Variants in MAPK8 observed in about 807,000 individuals in gnomAD.
The protein encoded by MAPK8 is mitogen-activated protein kinase 8, also known as JUN N-terminal kinase.
MAPK8 carries 13 observed loss-of-function variants against 52.9 expected under a neutral mutation model. The observed-to-expected ratio is 0.25, with a 90% CI of 0.16 to 0.39. The LOEUF (loss-of-function observed/expected upper bound fraction) is 0.39, where lower values mean the gene tolerates loss of function less well. Among genes scored for constraint, MAPK8 ranks in the 10% least tolerant of loss-of-function variants. MAPK8 has a pLI of 1.00. For synonymous variants in MAPK8, 191 were observed against 169.8 expected (o/e 1.12, Z -0.97); for missense variants, 300 against 519.2 (o/e 0.58, Z 4.10).
intron 6 of MAPK8, among the ~76,000 whole-genome samples, chr10:48,422,005 TC>T (rs1197238327): frequency 1.1e-3 from 116 of 107,988 alleles, no homozygotes; most frequent in African/African-American, 3.5e-3. Context: ...ATTTTATTTA[TC>T]TTATTTATTT....
chr10:48,349,618 G>T (rs1347702014), intron 1 of MAPK8, among the ~76,000 whole-genome samples: 1 of 152,208 alleles, frequency 6.6e-6, no homozygotes, highest in Non-Finnish European at 1.5e-5. Context: ...CACAGCTAAA[G>T]CAGTGTTTAG....
intron 1 of MAPK8, among the ~76,000 whole-genome samples, chr10:48,389,988 G>A (rs2041533781): frequency 6.6e-6 from 1 of 152,158 alleles, no homozygotes; most frequent in Non-Finnish European, 1.5e-5. Context: ...GCAAGCTGAA[G>A]ACCCTGGATA....
chr10:48,422,869 G>A (rs1445571500), intron 6 of MAPK8, among the ~76,000 whole-genome samples: 1 of 152,054 alleles, frequency 6.6e-6, no homozygotes, highest in Non-Finnish European at 1.5e-5. Flanking sequence ...CAGTGAACTG[G>A]CAGCCTTTTA....
At chr10:48,387,870 G>A (rs887673031) in intron 1 of MAPK8, among the ~76,000 whole-genome samples, 50 of 151,512 alleles carry the variant, frequency 3.3e-4, no homozygotes, top group African/African-American at 1.2e-3. Flanking sequence ...GGATTATTTG[G>A]AAGAGTGGAA....
chr10:48,379,938 TAAA>T (rs373050540), intron 1 of MAPK8, among the ~76,000 whole-genome samples: 1 of 115,914 alleles, frequency 8.6e-6, no homozygotes, highest in Non-Finnish European at 1.7e-5. Flanking sequence ...ACAAAGCTCT[TAAA>T]AAAAAAAAAA....
intron 1 of MAPK8, among the ~76,000 whole-genome samples, chr10:48,341,871 T>C (rs952979357): frequency 6.6e-6 from 1 of 152,172 alleles, no homozygotes; most frequent in Admixed American, 6.5e-5. Context: ...AGGAGCTCAA[T>C]AGTAAGGAGA....
At chr10:48,428,712 C>A (rs1295322017) in intron 10 of MAPK8, among the ~76,000 whole-genome samples, 2 of 152,300 alleles carry the variant, frequency 1.3e-5, no homozygotes, top group East Asian at 3.9e-4. Context: ...AGATATAGCT[C>A]TGTACTGAGT....
intron 1 of MAPK8, among the ~76,000 whole-genome samples, chr10:48,365,255 G>T (rs918224427): frequency 6.6e-6 from 1 of 152,120 alleles, no homozygotes; most frequent in Non-Finnish European, 1.5e-5. Flanking sequence ...TACAAAAGGG[G>T]TTTGTTTAAA....
intron 1 of MAPK8, among the ~76,000 whole-genome samples, chr10:48,363,798 A>T (rs953724365): frequency 1.3e-5 from 2 of 152,148 alleles, no homozygotes; most frequent in African/African-American, 4.8e-5. Context: ...CTTTTTAAAA[A>T]CTGGATGAGC....
chr10:48,420,506 C>T (rs866232207), intron 6 of MAPK8, among the ~76,000 whole-genome samples, 186 bp downstream of exon 6: 3 of 152,014 alleles, frequency 2.0e-5, no homozygotes, highest in Non-Finnish European at 4.4e-5. Flanking sequence ...ACTTGGGGCC[C>T]TTATTTGTTT....
chr10:48,394,721 G>T (rs1234577064), intron 1 of MAPK8, among the ~76,000 whole-genome samples: 1 of 151,756 alleles, frequency 6.6e-6, no homozygotes, highest in Non-Finnish European at 1.5e-5. Flanking sequence ...GGAAATTATA[G>T]TTAGGGCAGT....
At chr10:48,390,717 T>C (rs1055728733) in intron 1 of MAPK8, among the ~76,000 whole-genome samples, 1 of 152,170 alleles carries the variant, frequency 6.6e-6, no homozygotes, top group African/African-American at 2.4e-5. Context: ...CCTTGAGTCA[T>C]AAAAACCTAA....
chr10:48,371,584 A>G (rs185040290), intron 1 of MAPK8, among the ~76,000 whole-genome samples: 5 of 152,238 alleles, frequency 3.3e-5, no homozygotes, highest in Admixed American at 3.3e-4. Flanking sequence ...CATACAAGAC[A>G]GAATACTTCT....
At chr10:48,330,405 C>G (rs1366037096) in intron 1 of MAPK8, among the ~76,000 whole-genome samples, 1 of 152,110 alleles carries the variant, frequency 6.6e-6, no homozygotes, top group South Asian at 2.1e-4. Flanking sequence ...TGTCTGTTCT[C>G]AAGAGTTTTT....
chr10:48,374,053 C>T (rs920034513), intron 1 of MAPK8, among the ~76,000 whole-genome samples: 3 of 152,126 alleles, frequency 2.0e-5, no homozygotes, highest in African/African-American at 7.2e-5. Flanking sequence ...TCTCTCAGAC[C>T]ACAGTGCAGT....
intron 1 of MAPK8, among the ~76,000 whole-genome samples, chr10:48,317,787 G>A (rs1055567120): frequency 6.6e-6 from 1 of 152,152 alleles, no homozygotes; most frequent in Non-Finnish European, 1.5e-5. Context: ...TCTTCTCTGT[G>A]GTTTCTGTTT....
At position 48,334,074 on chromosome 10, in the gene MAPK8, C is replaced by T. The variant is rs559254050; in HGVS notation, c.-50+27253C>T. ...CTCTGCTCCTCTTTGCTGGGGCCTG[C>T]ACCTTTCCTGGCTGCTGACTCATAG... is the stretch of plus-strand genomic sequence containing the variant. On this transcript the variant is annotated intron_variant, in intron 1 of 11. Transcript: ENST00000374189. 3.9e-5 allele frequency among the ~76,000 whole-genome samples: 6 copies of T among 152,312 alleles called. No homozygotes were observed. The South Asian group carries it at 1.2e-3, about 32-fold the overall frequency.
chr10:48,355,936 A>G (rs974538688), intron 1 of MAPK8, among the ~76,000 whole-genome samples: 1 of 152,230 alleles, frequency 6.6e-6, no homozygotes, highest in East Asian at 1.9e-4. Flanking sequence ...ATTTTCTTAA[A>G]TTAAAATAAA....
intron 1 of MAPK8, among the ~76,000 whole-genome samples, chr10:48,336,647 A>G (rs767560070): frequency 5.3e-5 from 8 of 151,418 alleles, no homozygotes; most frequent in Non-Finnish European, 1.2e-4. Flanking sequence ...ATTTTATGAA[A>G]AATAACTTTT....
Sources: allele counts gnomAD v4.1 joint callset (sites outside exome capture counted in the v4.1 genomes callset), GRCh38; gene constraint gnomAD v4.1.1; transcripts MANE v1.5; gene names NCBI Gene and HGNC (gene_info 2026-07-23, HGNC 2026-07-21).